The following XAB2 variants were observed in gnomAD, a reference collection of about 807,000 sequenced individuals.
XAB2 encodes XPA binding protein 2.
A neutral mutation model predicts 113.4 loss-of-function variants in XAB2; 57 were observed. The ratio of observed to expected loss-of-function variants is 0.50; its 90% CI spans 0.41 to 0.63. XAB2 has a LOEUF of 0.63. Ranked by LOEUF, XAB2 falls within the 20% of genes least tolerant of loss-of-function variation. The pLI, the probability that XAB2 is intolerant of heterozygous loss-of-function variation, is 0.00. For synonymous variants in XAB2, 497 were observed against 498.8 expected, an observed-to-expected ratio of 1.00 and a Z score of 0.05; for missense variants, 1,037 against 1,233.3, an observed-to-expected ratio of 0.84 and a Z score of 2.38.
In XAB2 at chr19:7,624,444, G is replaced by A. The variant is rs1267615110; in HGVS notation, c.824C>T (p.Ala275Val). Reference protein sequence around the residue: ...YYIRSGHFEKARDVYEEAIRT... With the variant: ...YYIRSGHFEKVRDVYEEAIRT... ...GATGGCCTCCTCGTACACGTCCCGA[G>A]CCTGTGGGGACCCAGGGAAGGGGAG... is the stretch of plus-strand genomic sequence containing the variant. Residue 275 changes from alanine (A) to valine (V), a missense_variant and splice_region_variant, in exon 7 of 19, where the codon GCT (alanine) becomes GTT (valine). Transcript: ENST00000358368. This position sits in a 1 kb window ranked among gnomAD's most constrained non-coding sequence, Gnocchi z 4.2. 5 of 1,613,970 alleles carry A rather than the reference G, an allele frequency of 3.1e-6. No individual in the cohort carries two copies. The South Asian group carries it at 5.5e-5, about 18-fold the overall frequency.
Position 7,627,803 on chromosome 19 carries a change from C to A in XAB2, c.249G>T (p.Lys83Asn), listed in dbSNP as rs1044594807. 3 of 1,614,070 alleles carry A rather than the reference C, an allele frequency of 1.9e-6. No homozygotes were observed. The highest frequency in any genetic ancestry group is 2.5e-6 in the Non-Finnish European group (3 of 1,180,036). Reference protein sequence around the residue: ...RYLKARRAQVKHRCVTDPAYE... With the variant: ...RYLKARRAQVNHRCVTDPAYE... The stretch of plus-strand genomic sequence containing the variant: ...AGGCAGGGTCGGTCACACAGCGATG[C>A]TTCACCTGTGCCCGACGCGCCTTCA... The change falls in exon 3 of 19, where the codon AAG (lysine) becomes AAT (asparagine). Residue 83 changes from lysine (K) to asparagine (N), a missense_variant. Lys to Asn is a moderately conservative substitution (Grantham distance 94). Transcript: ENST00000358368. This position sits in a 1 kb window ranked among gnomAD's most constrained non-coding sequence, Gnocchi z 4.5.
chr19:7,621,736 G>A lies in XAB2; in HGVS notation c.1618-439C>T, dbSNP rs370776131. ...ACACTCAAACATGACTGCTCCGGCC[G>A]CGGGACATGGCCTTCCCACGGACAC... On this transcript the variant is annotated intron_variant, in intron 12 of 18. Coordinates refer to ENST00000358368, the MANE Select transcript of XAB2 (RefSeq NM_020196.3). 8.0e-5 allele frequency: 15 copies of A among 187,178 alleles called. 1 individual carries two copies. The highest frequency in any genetic ancestry group is 6.7e-4 in the South Asian group (6 of 8,980). The allele number at this position is 187,178 out of a possible 1,614,324, so 11.6% of individuals were successfully genotyped here.
rs1409498381 is a variant in XAB2 at position 7,625,904 on chromosome 19, G to A, written c.798C>T (p.Tyr266=). 1.2e-6 allele frequency: 2 copies of A among 1,611,976 alleles called. No individual in the cohort carries two copies. The highest frequency in any genetic ancestry group is 1.7e-6 in the Non-Finnish European group (2 of 1,178,810). Reference sequence around the variant, plus strand: ...CCTTCTCGAAATGGCCGCTGCGGATGTAGTAGTCGGCGAGAGAACACCAGA... The same window carrying A: ...CCTTCTCGAAATGGCCGCTGCGGATATAGTAGTCGGCGAGAGAACACCAGA... ...GKLWCSLADY[Y]IRSGHFEKAR... The change falls in exon 6 of 19, where the codon TAC becomes TAT. Residue 266 remains tyrosine, a synonymous_variant. Transcript: ENST00000358368. This position sits in a 1 kb window ranked among gnomAD's most constrained non-coding sequence, Gnocchi z 5.2.
At position 7,623,734 on chromosome 19, in the gene XAB2, C is replaced by G. The variant is rs1453352805; in HGVS notation, c.1116G>C (p.Arg372=). Residue 372 remains arginine, a synonymous_variant, in exon 8 of 19, where the codon CGG becomes CGC. Coordinates refer to ENST00000358368, the MANE Select transcript of XAB2 (RefSeq NM_020196.3). The surrounding 1 kb of genome is among the most constrained non-coding windows in gnomAD (Gnocchi z 4.6). ...GACTGGGGCAGGCTTCATGTACCTC[C>G]CGGGGGCGGCCCTGGTGCAGGGCGA... is the stretch of plus-strand genomic sequence containing the variant. ...KRVALHQGRP[R]EIINTYTEAV... The G allele has an allele frequency of 6.3e-7, 1 of 1,599,056 alleles. No individual in the cohort carries two copies. The highest frequency in any genetic ancestry group is 8.5e-7 in the Non-Finnish European group (1 of 1,174,238).
In XAB2 at chr19:7,619,616, G is replaced by T; in HGVS notation, c.2538C>A (p.Ala846=). The T allele has an allele frequency of 1.2e-6, 2 of 1,602,974 alleles. No individual in the cohort carries two copies. The highest frequency in any genetic ancestry group is 1.7e-6 in the Non-Finnish European group (2 of 1,174,552). Residue 846 remains alanine, a synonymous_variant, in exon 19 of 19, where the codon GCC becomes GCA. Transcript: ENST00000358368. ...CTTCCTTCAGGCTCCCAAACACTGCGGCTGGCACGCTCTGCTGCTCCAGCC... is the reference window on the plus strand; with the variant it reads ...CTTCCTTCAGGCTCCCAAACACTGCTGCTGGCACGCTCTGCTGCTCCAGCC... ...EVRLEQQSVP[A]AVFGSLKED
intron 12 of XAB2, 126 bp downstream of exon 12, chr19:7,622,205 T>G: frequency 2.2e-6 from 2 of 908,704 alleles, no homozygotes; most frequent in Non-Finnish European, 3.5e-6. Context: ...AGCTAAATCT[T>G]TGTTGTTTAA....
rs2031076349 is a variant in XAB2 at position 7,623,372 on chromosome 19, G to A, written c.1120-83C>T. 1.9e-6 allele frequency: 3 copies of A among 1,558,706 alleles called. No homozygotes were observed. Among genetic ancestry groups the A allele is most frequent in the Admixed American group, 3.5e-5 (2 of 56,648 alleles). On this transcript the variant is annotated intron_variant, in intron 8 of 18. Transcript: ENST00000358368. The surrounding 1 kb of genome is among the most constrained non-coding windows in gnomAD (Gnocchi z 4.6). ...GGCAGAGCTGTGGCTCTGAGGGGTG[G>A]GGCCTGGAGGGTGCTGTGGCCCCTG...
At chr19:7,620,162 C>T in intron 16 of XAB2, 87 bp from the exon 17 acceptor site, 1 of 1,592,126 alleles carries the variant, frequency 6.3e-7, no homozygotes. Context: ...AGGTGATGGC[C>T]CAGCCCTCAA....
chr19:7,621,909 C>G (rs563414289), intron 12 of XAB2: 48 of 214,898 alleles, frequency 2.2e-4, no homozygotes, highest in African/African-American at 1.1e-3. Context: ...CTGTGCCCCC[C>G]TCAAAACATT....
chr19:7,627,030 C>T lies in XAB2; in HGVS notation c.522+213G>A, dbSNP rs1363721205. 6.6e-6 allele frequency among the ~76,000 whole-genome samples: 1 copy of T among 152,212 alleles called. No individual in the cohort carries two copies. Among genetic ancestry groups the T allele is most frequent in the African/African-American group, 2.4e-5 (1 of 41,450 alleles). ...CAGGGAGTGTCTTAGTCACACTGTC[C>T]TCAGCACCCATCGCTATGCCTAATG... On this transcript the variant is annotated intron_variant, in intron 4 of 18. Coordinates refer to ENST00000358368, the MANE Select transcript of XAB2 (RefSeq NM_020196.3). The surrounding 1 kb of genome is among the most constrained non-coding windows in gnomAD (Gnocchi z 4.5).
Position 7,625,850 on chromosome 19 carries a change from G to T in XAB2, c.822+30C>A. 1.3e-6 allele frequency: 2 copies of T among 1,574,050 alleles called. No homozygotes were observed. The highest frequency in any genetic ancestry group is 2.3e-5 in the South Asian group (2 of 86,396). ...GAGTGTCGGAGGGAGACCCCGCCCC[G>T]AACCCAGAGCCCCGTGTGCCAGCAT... On this transcript the variant is annotated intron_variant, in intron 6 of 18. Coordinates refer to ENST00000358368, the MANE Select transcript of XAB2 (RefSeq NM_020196.3). This position sits in a 1 kb window ranked among gnomAD's most constrained non-coding sequence, Gnocchi z 5.2.
chr19:7,629,539 C>A lies in XAB2; in HGVS notation c.-12G>T, dbSNP rs2031216265. 6 of 1,601,740 alleles carry A rather than the reference C, an allele frequency of 3.7e-6. No homozygotes were observed. The highest frequency in any genetic ancestry group is 5.1e-6 in the Non-Finnish European group (6 of 1,174,404). On this transcript the variant is annotated 5_prime_UTR_variant, in exon 1 of 19. Transcript: ENST00000358368. ...GCCATCACCACCATTTTTCTGGATG[C>A]CCAGGTACAGGAGAGAGTCGCGCGC...
In XAB2 at chr19:7,625,953, C is replaced by G; in HGVS notation, c.749G>C (p.Arg250Pro). ...GAGCTTGCCCAGCTGGTCGGTGAAG[C>G]GGGTGAGGCCCCCGCGGATGATGGC... ...VDAIIRGGLTRFTDQLGKLWC... is the reference protein window; with the variant it reads ...VDAIIRGGLTPFTDQLGKLWC... Residue 250 changes from arginine to proline, a missense_variant, in exon 6 of 19, where the codon CGC becomes CCC. Physicochemically the swap from Arg to Pro is moderately radical, Grantham distance 103. Transcript: ENST00000358368. The surrounding 1 kb of genome is among the most constrained non-coding windows in gnomAD (Gnocchi z 5.2). 6.2e-7 allele frequency: 1 copy of G among 1,613,760 alleles called. No individual in the cohort carries two copies. The highest frequency in any genetic ancestry group is 8.5e-7 in the Non-Finnish European group (1 of 1,179,838).
At chr19:7,626,357 C>G (rs4134833) in intron 4 of XAB2, 87 bp from the exon 5 acceptor site, 19 of 1,545,960 alleles carry the variant, frequency 1.2e-5, no homozygotes, top group East Asian at 2.3e-5. Context: ...GCGTCCCCCC[C>G]CACCCATTTA....
At chr19:7,622,955 G>C in intron 9 of XAB2, 62 bp from the exon 10 acceptor site, 2 of 1,587,432 alleles carry the variant, frequency 1.3e-6, no homozygotes, top group Admixed American at 3.5e-5. Context: ...CCACCATCAA[G>C]GGTCAGAAAG....
chr19:7,619,865 G>C lies in XAB2; in HGVS notation c.2397-9C>G. The C allele has an allele frequency of 6.2e-7, 1 of 1,611,172 alleles. No homozygotes were observed. The highest frequency in any genetic ancestry group is 8.5e-7 in the Non-Finnish European group (1 of 1,179,870). ...CCCGGGAGGCGTCACTCCTAGGGAC[G>C]GGCCATGCTGCCTCAGTTCCCCACC... On this transcript the variant is annotated splice_polypyrimidine_tract_variant and intron_variant, in intron 17 of 18. Transcript: ENST00000358368.
In XAB2 at chr19:7,620,885, C is replaced by T. The variant is rs1281529577; in HGVS notation, c.1932G>A (p.Gly644=). The T allele has an allele frequency of 6.2e-7, 1 of 1,601,008 alleles. No homozygotes were observed. The highest frequency in any genetic ancestry group is 1.7e-5 in the Admixed American group (1 of 58,876). The change falls in exon 14 of 19, where the codon GGG becomes GGA. Residue 644 remains glycine (G), a synonymous_variant. Coordinates refer to ENST00000358368, the MANE Select transcript of XAB2 (RefSeq NM_020196.3). Reference sequence around the variant, plus strand: ...GGTAGATGCCGCGGGTGTGGGTGACCCCATAGATCTCGGCCGCCCGCTTGA... The same window carrying T: ...GGTAGATGCCGCGGGTGTGGGTGACTCCATAGATCTCGGCCGCCCGCTTGA... ...IYIKRAAEIY[G]VTHTRGIYQK...
chr19:7,622,388 G>A lies in XAB2; in HGVS notation c.1560C>T (p.Ile520=), dbSNP rs373175532. 3.6e-5 allele frequency: 58 copies of A among 1,614,088 alleles called. No homozygotes were observed. The African/African-American group carries it at 4.9e-4, about 14-fold the overall frequency. The change falls in exon 12 of 19, where the codon ATC becomes ATT. Residue 520 remains isoleucine (I), a synonymous_variant. Coordinates refer to ENST00000358368, the MANE Select transcript of XAB2 (RefSeq NM_020196.3). Reference sequence around the variant, plus strand: ...CCAGGAACATGGCATAGTTGATGACGATCTGGGGTGTTGCGATACGCAGGT... The same window carrying A: ...CCAGGAACATGGCATAGTTGATGACAATCTGGGGTGTTGCGATACGCAGGT... The part of the protein sequence containing the change: ...ILDLRIATPQ[I]VINYAMFLEE...
chr19:7,628,277 C>T lies in XAB2; in HGVS notation c.73G>A (p.Glu25Lys). 6.2e-7 allele frequency: 1 copy of T among 1,614,130 alleles called. No homozygotes were observed. Among genetic ancestry groups the T allele is most frequent in the Non-Finnish European group, 8.5e-7 (1 of 1,180,024 alleles). ...LVFEEEDLPY[E>K]EEIMRNQFSV... ...AATTGGTTCCGCATGATTTCCTCCT[C>T]ATAGGGGAGGTCCTCTTCCTCCTGC... Residue 25 changes from glutamate to lysine, a missense_variant, in exon 2 of 19, where the codon GAG becomes AAG. Glu to Lys is a moderately conservative substitution (Grantham distance 56). Transcript: ENST00000358368. The surrounding 1 kb of genome is among the most constrained non-coding windows in gnomAD (Gnocchi z 4.6).
Sources: allele counts gnomAD v4.1 joint callset (sites outside exome capture counted in the v4.1 genomes callset), GRCh38; gene constraint gnomAD v4.1.1; non-coding constraint Gnocchi (gnomAD v3.1); transcripts MANE v1.5; gene names NCBI Gene and HGNC (gene_info 2026-07-23, HGNC 2026-07-21).